The following UNC79 variants were observed in gnomAD, a reference collection of about 807,000 sequenced individuals.
The protein encoded by UNC79 is unc-79 subunit of NALCN channel complex.
Under a neutral mutation model 283.1 loss-of-function variants are expected in UNC79, and 37 were observed. The observed-to-expected ratio is 0.13, with a 90% confidence interval of 0.10 to 0.17. The LOEUF is 0.17. Ranked by LOEUF, UNC79 falls within the 10% of genes least tolerant of loss-of-function variation. The pLI is 1.00. For missense variants in UNC79, 2,272 were observed against 3,211.1 expected (o/e 0.71, Z 7.07); for synonymous variants, 1,107 against 1,200.2 (o/e 0.92, Z 1.61).
chr14:93,655,345 A>G, exon 38 of UNC79: 1 of 1,614,158 alleles, frequency 6.2e-7, no homozygotes, highest in Non-Finnish European at 8.5e-7. Context: ...TAGCCTCTGG[A>G]CCACAATTAG....
chr14:93,621,671 C>G lies in UNC79; in HGVS notation c.4438C>G (p.Leu1480Val), dbSNP rs199649702. 6.2e-7 allele frequency: 1 copy of G among 1,610,338 alleles called. No individual in the cohort carries two copies. Among genetic ancestry groups the G allele is most frequent in the African/African-American group, 1.3e-5 (1 of 74,614 alleles). ...AGAGACGGGTGCATTACAAGACAGC[C>G]TTCTCCACTGTGTGAGAGAAGAAAG... Residue 1480 changes from leucine to valine, a missense_variant, in exon 30 of 49, where the codon CTT becomes GTT. Physicochemically the swap from Leu to Val is conservative, Grantham distance 32. Transcript: ENST00000555664. This position sits in a 1 kb window ranked among gnomAD's most constrained non-coding sequence, Gnocchi z 4.8.
At position 93,347,086 on chromosome 14, in the gene UNC79, G is replaced by A. The variant is rs1349802923; in HGVS notation, c.-351+13563G>A. On this transcript the variant is annotated intron_variant, in intron 1 of 49. Transcript: ENST00000256339. ...AGTACAGAGAAAGGAGTGGTGAGCGGAAGAGGCGGGGCAGAGCAGGAGGTG... is the reference window on the plus strand; with the variant it reads ...AGTACAGAGAAAGGAGTGGTGAGCGAAAGAGGCGGGGCAGAGCAGGAGGTG... The A allele has an allele frequency of 8.5e-6, 5 of 585,456 alleles. No individual in the cohort carries two copies. The East Asian group carries it at 1.5e-4, about 18-fold the overall frequency. The allele number at this position is 585,456 out of a possible 1,614,324, so 36.3% of individuals were successfully genotyped here.
intron 1 of UNC79, among the ~76,000 whole-genome samples, chr14:93,376,211 A>G (rs1350967642): frequency 1.3e-5 from 2 of 152,248 alleles, no homozygotes; most frequent in Non-Finnish European, 2.9e-5. Flanking sequence ...TTGTTATGCA[A>G]CAATAGATAA....
intron 1 of UNC79, among the ~76,000 whole-genome samples, chr14:93,411,081 C>G (rs1050955792): frequency 6.6e-6 from 1 of 152,064 alleles, no homozygotes; most frequent in East Asian, 1.9e-4. Flanking sequence ...GAGCGCATTG[C>G]CCCGAAGGGT....
At chr14:93,333,691 G>A (rs1021410847) in intron 1 of UNC79, among the ~76,000 whole-genome samples, 1 of 152,196 alleles carries the variant, frequency 6.6e-6, no homozygotes, top group African/African-American at 2.4e-5. Flanking sequence ...GAGCCAAGTC[G>A]CTCTTCCCTA....
Position 93,706,823 on chromosome 14 carries a change from G to A in UNC79, c.7710G>A (p.Lys2570=), listed in dbSNP as rs2075912932. The A allele has an allele frequency of 1.9e-6, 3 of 1,614,242 alleles. No individual in the cohort carries two copies. In the East Asian group the frequency reaches 6.7e-5, roughly 36 times the overall value. The stretch of plus-strand genomic sequence containing the variant: ...GTGCTGGCCTGGCAGCCCTCCGAAA[G>A]TGGTTGCAGTGCACTCAGTTCAAAA... Residue 2570 remains lysine (K), a synonymous_variant, in exon 49 of 49, where the codon AAG becomes AAA. Transcript: ENST00000555664.
At chr14:93,572,775 T>C (rs556851930) in exon 16 of UNC79, 1 of 1,614,180 alleles carries the variant, frequency 6.2e-7, no homozygotes, top group South Asian at 1.1e-5. Flanking sequence ...GTTTACAGGA[T>C]ACCCCTCCTC....
exon 33 of UNC79, chr14:93,641,160 G>A (rs900118415): frequency 2.5e-6 from 4 of 1,613,240 alleles, no homozygotes; most frequent in Non-Finnish European, 3.4e-6. Context: ...ACCAAATCCA[G>A]CCTGCTATCA....
At chr14:93,564,501 C>T (rs377660077) in intron 14 of UNC79, among the ~76,000 whole-genome samples, 73 of 152,248 alleles carry the variant, frequency 4.8e-4, no homozygotes, top group African/African-American at 1.6e-3. Context: ...GGAGAATAAA[C>T]GTTGAAGGAG....
At chr14:93,620,993 G>A (rs2067091931) in intron 29 of UNC79, 2 of 518,344 alleles carry the variant, frequency 3.9e-6, no homozygotes, top group Non-Finnish European at 7.7e-6. Context: ...AAGAATAGGC[G>A]GCAGCAAAAT....
intron 7 of UNC79, among the ~76,000 whole-genome samples, chr14:93,498,445 G>A (rs2059126277): frequency 6.6e-6 from 1 of 151,826 alleles, no homozygotes; most frequent in African/African-American, 2.4e-5. Flanking sequence ...AAAAATTTTA[G>A]CCGGACGTGG....
chr14:93,642,043 A>AAACGT (rs59610693), intron 33 of UNC79, among the ~76,000 whole-genome samples: 73,860 of 151,394 alleles, frequency 0.49, 18,173 homozygotes, highest in Middle Eastern at 0.57. Flanking sequence ...AGAGTCAATT[A>AAACGT]AACGTCTTTC....
intron 1 of UNC79, among the ~76,000 whole-genome samples, chr14:93,433,371 A>C (rs1330949619): frequency 1.3e-5 from 2 of 152,224 alleles, no homozygotes; most frequent in African/African-American, 4.8e-5. Flanking sequence ...GAGTGGATTG[A>C]CATTTTCGTG....
At chr14:93,369,038 T>C (rs191889298) in intron 1 of UNC79, among the ~76,000 whole-genome samples, 2 of 152,336 alleles carry the variant, frequency 1.3e-5, no homozygotes, top group East Asian at 3.9e-4. Context: ...ACTTGTCATT[T>C]CTATGATATA....
In UNC79 at chr14:93,621,471, C is replaced by A; in HGVS notation, c.4388-150C>A. On this transcript the variant is annotated intron_variant, in intron 29 of 48. Transcript: ENST00000555664. The surrounding 1 kb of genome is among the most constrained non-coding windows in gnomAD (Gnocchi z 4.8). ...TCCAGTTTTTGAAATTAGAACGAAC[C>A]TTACAAAAACTTGGCCAGAAAGTTC... 9.8e-7 allele frequency: 1 copy of A among 1,020,448 alleles called. No individual in the cohort carries two copies. Among genetic ancestry groups the A allele is most frequent in the Non-Finnish European group, 1.3e-6 (1 of 748,316 alleles). The allele number at this position is 1,020,448 out of a possible 1,614,324, so 63.2% of individuals were successfully genotyped here.
chr14:93,499,681 A>G (rs770834108), intron 7 of UNC79, among the ~76,000 whole-genome samples: 1 of 152,194 alleles, frequency 6.6e-6, no homozygotes, highest in Non-Finnish European at 1.5e-5. Flanking sequence ...AAAGACCCCA[A>G]AACTGCCTTA....
chr14:93,382,572 A>T (rs1051466052), intron 1 of UNC79, among the ~76,000 whole-genome samples: 2 of 152,080 alleles, frequency 1.3e-5, no homozygotes, highest in East Asian at 1.9e-4. Flanking sequence ...TTTTTGCATA[A>T]TTTTTTTATT....
At chr14:93,411,316 C>T (rs1170175545) in intron 1 of UNC79, among the ~76,000 whole-genome samples, 2 of 152,256 alleles carry the variant, frequency 1.3e-5, no homozygotes, top group African/African-American at 2.4e-5. Flanking sequence ...GGTTTTTGAC[C>T]GTAGTCTCTG....
Position 93,439,614 on chromosome 14 carries a change from A to G in UNC79, c.22+8563A>G, listed in dbSNP as rs115326986. On this transcript the variant is annotated intron_variant, in intron 1 of 48. Coordinates refer to ENST00000555664, the Ensembl canonical transcript of UNC79. ...GGGAACAATGTGATACTCACTACAT[A>G]AAGTGAGCCTGGAAATTTTGCTTCC... Among the ~76,000 whole-genome samples the G allele has an allele frequency of 3.0e-3, 454 of 152,234 alleles. 1 individual carries two copies. The highest frequency in any genetic ancestry group is 0.01 in the African/African-American group (434 of 41,568).
Sources: gnomAD v4.1 joint callset for allele counts (sites outside exome capture counted in the v4.1 genomes callset) on GRCh38, gnomAD v4.1.1 for gene constraint, Gnocchi (gnomAD v3.1) non-coding constraint, MANE v1.5 for transcripts, NCBI Gene and HGNC (gene_info 2026-07-23, HGNC 2026-07-21) for gene names.